STMN1: variants seen among roughly 807,000 people sequenced by gnomAD.
STMN1 encodes stathmin 1.
In STMN1, 3 loss-of-function variants were observed where a neutral mutation model predicts 19.7. The observed-to-expected ratio is 0.15, with a 90% CI of 0.07 to 0.39. STMN1 has a LOEUF of 0.39. Among genes scored for constraint, STMN1 ranks in the 10% least tolerant of loss-of-function variants. The pLI, the probability that STMN1 is intolerant of heterozygous loss-of-function variation, is 1.00. For missense variants in STMN1, 99 were observed against 176.0 expected (o/e 0.56, Z 2.48); for synonymous variants, 59 against 58.9 (o/e 1.00, Z -0.01).
intron 1 of STMN1, 26 bp from the exon 2 acceptor site, chr1:25,904,764 A>C (rs994107484): frequency 1.1e-5 from 17 of 1,582,138 alleles, no homozygotes; most frequent in Admixed American, 1.8e-5. Flanking sequence ...AAAAACATGC[A>C]ATCACTTTCT....
In STMN1 at chr1:25,900,659, A is replaced by G; in HGVS notation, c.*357T>C. On this transcript the variant is annotated 3_prime_UTR_variant, in exon 5 of 5. Transcript: ENST00000455785. ...GGGATTGAAAAGTGAACAGATATTC[A>G]GCATCTAACAGTTCAAAAGAAGCCA... The G allele has an allele frequency of 9.9e-7, 1 of 1,013,202 alleles. No individual in the cohort carries two copies. The highest frequency in any genetic ancestry group is 1.2e-6 in the Non-Finnish European group (1 of 848,266). 62.8% of individuals were successfully genotyped at this position (1,013,202 alleles called of 1,614,324 possible).
chr1:25,888,999 A>G, intron 4 of STMN1: 1 of 491,474 alleles, frequency 2.0e-6, no homozygotes, highest in Non-Finnish European at 4.1e-6. Context: ...CCTGGTCAAG[A>G]AACAAAAGCA....
Position 25,901,518 on chromosome 1 carries a change from A to G in STMN1, c.351T>C (p.Ala117=). 6.2e-7 allele frequency: 1 copy of G among 1,609,360 alleles called. No homozygotes were observed. The highest frequency in any genetic ancestry group is 8.5e-7 in the Non-Finnish European group (1 of 1,178,726). ...TCTCTCGCAAACGTTCCAGTTTGGC[A>G]GCCATTTGTGCCTCTCGGTTCTCTT... ...ANKENREAQM[A]AKLERLREKD... is the part of the protein sequence containing the mutation. The change falls in exon 4 of 5, where the codon GCT becomes GCC. Residue 117 remains alanine, a synonymous_variant. Transcript: ENST00000455785.
downstream of STMN1, among the ~76,000 whole-genome samples, chr1:25,897,310 C>CAA (rs2048826730): frequency 1.2e-5 from 1 of 83,148 alleles, no homozygotes; most frequent in African/African-American, 4.4e-5. Flanking sequence ...AAGACTGTCT[C>CAA]GAAAAAAAAA....
intron 4 of STMN1, among the ~76,000 whole-genome samples, chr1:25,886,193 G>C (rs887410235): frequency 1.3e-5 from 2 of 152,192 alleles, no homozygotes; most frequent in Non-Finnish European, 2.9e-5. Flanking sequence ...AAGGAGGTCA[G>C]GGTACTGGGC....
At chr1:25,893,392 G>T (rs374641310) in intron 4 of STMN1, among the ~76,000 whole-genome samples, 3 of 152,106 alleles carry the variant, frequency 2.0e-5, no homozygotes, top group African/African-American at 4.8e-5. Flanking sequence ...AGAGCACAAG[G>T]TTCCTGTACC....
At position 25,900,761 on chromosome 1, in the gene STMN1, T is replaced by C. The variant is rs1329242848; in HGVS notation, c.*255A>G. 7.7e-7 allele frequency: 1 copy of C among 1,302,970 alleles called. No homozygotes were observed. The highest frequency in any genetic ancestry group is 9.7e-7 in the Non-Finnish European group (1 of 1,026,086). 80.7% of individuals were successfully genotyped at this position (1,302,970 alleles called of 1,614,324 possible). A position where few individuals can be genotyped will look rare whatever the true frequency, so the allele number is the denominator to read the frequency against. ...CATTAACCCAGTACACCAAGTGTAC[T>C]GAAGTAGAAAAGATGCAACAAGAAA... On this transcript the variant is annotated 3_prime_UTR_variant, in exon 5 of 5. Transcript: ENST00000455785.
chr1:25,888,854 G>C, intron 4 of STMN1: 1 of 253,932 alleles, frequency 3.9e-6, no homozygotes, highest in South Asian at 4.6e-5. Flanking sequence ...AGGAGGATGG[G>C]AAAAGGGCAA....
In STMN1 at chr1:25,903,827, T is replaced by C. The variant is rs1048156861; in HGVS notation, c.14-14A>G. 2.5e-6 allele frequency: 4 copies of C among 1,580,046 alleles called. No individual in the cohort carries two copies. The highest frequency in any genetic ancestry group is 3.4e-6 in the Non-Finnish European group (4 of 1,168,638). On this transcript the variant is annotated splice_polypyrimidine_tract_variant and intron_variant, in intron 2 of 4. Transcript: ENST00000455785. ...TCACCTGGATATCTAGAATTGATTA[T>C]ATTTATAATTCAGAAAACCAGGATT...
rs1394376804 is a variant in STMN1, at chr1:25,900,583, T to C, written c.*433A>G. ...CACTGCCACCAACAGCACTGTGCAGTTTTATTAACCATTCAAGTCCAGTAG... is the reference window on the plus strand; with the variant it reads ...CACTGCCACCAACAGCACTGTGCAGCTTTATTAACCATTCAAGTCCAGTAG... On this transcript the variant is annotated 3_prime_UTR_variant, in exon 5 of 5. Transcript: ENST00000455785. 1.0e-6 allele frequency: 1 copy of C among 988,192 alleles called. No individual in the cohort carries two copies. The highest frequency in any genetic ancestry group is 1.7e-5 in the African/African-American group (1 of 57,282). The allele number at this position is 988,192 out of a possible 1,614,324, so 61.2% of individuals were successfully genotyped here. A position where few individuals can be genotyped will look rare whatever the true frequency, so the allele number is the denominator to read the frequency against.
intron 3 of STMN1, chr1:25,902,273 T>C (rs1482257356): frequency 6.6e-6 from 1 of 152,196 alleles, no homozygotes; most frequent in East Asian, 1.9e-4. Flanking sequence ...TCTGGATGAC[T>C]TGAGGAATAT....
chr1:25,889,024 T>G, intron 4 of STMN1: 1 of 490,148 alleles, frequency 2.0e-6, no homozygotes, highest in Admixed American at 2.4e-5. Context: ...CGTTCCATTC[T>G]CCAGTGGATT....
intron 4 of STMN1, among the ~76,000 whole-genome samples, chr1:25,889,436 C>T (rs973714699): frequency 6.6e-6 from 1 of 151,580 alleles, no homozygotes; most frequent in African/African-American, 2.4e-5. Flanking sequence ...CCATCCATCC[C>T]CCCACACCTA....
intron 4 of STMN1, among the ~76,000 whole-genome samples, chr1:25,886,941 G>C (rs1270610526): frequency 6.6e-6 from 1 of 151,914 alleles, no homozygotes; most frequent in Admixed American, 6.6e-5. Context: ...CTCAGCTCAG[G>C]TGTCAACTCC....
downstream of STMN1, among the ~76,000 whole-genome samples, chr1:25,899,834 T>C (rs995890532): frequency 1.3e-5 from 2 of 152,124 alleles, no homozygotes; most frequent in African/African-American, 2.4e-5. Context: ...TAGCAACACA[T>C]GGACCCCACC....
At chr1:25,898,339 C>G (rs972748116), downstream of STMN1, among the ~76,000 whole-genome samples, 1 of 152,186 alleles carries the variant, frequency 6.6e-6, no homozygotes, top group African/African-American at 2.4e-5. Flanking sequence ...CCTCTCAAAG[C>G]TTCCCAGACC....
At chr1:25,902,021 T>A (rs2048881029) in intron 3 of STMN1, 1 of 164,666 alleles carries the variant, frequency 6.1e-6, no homozygotes, top group Non-Finnish European at 1.3e-5. Flanking sequence ...ATAAAATGTA[T>A]TCAGCATAAG....
At chr1:25,899,459 A>G (rs1316125643), downstream of STMN1, among the ~76,000 whole-genome samples, 2 of 152,250 alleles carry the variant, frequency 1.3e-5, no homozygotes, top group East Asian at 3.8e-4. Context: ...GTTGTATTCA[A>G]CTATACTTGC....
At position 25,904,765 on chromosome 1, in the gene STMN1, A is replaced by G. The variant is rs1198281245; in HGVS notation, c.-62-27T>C. On this transcript the variant is annotated intron_variant, in intron 1 of 4. Coordinates refer to ENST00000455785, the MANE Select transcript of STMN1 (RefSeq NM_005563.4). ...TGAAAATGATTTTCAAAAACATGCA[A>G]TCACTTTCTTTGCCTTTCTATATGT... The G allele has an allele frequency of 3.2e-6, 5 of 1,581,074 alleles. No homozygotes were observed. The Admixed American group carries it at 9.3e-5, about 29-fold the overall frequency.
Sources: gnomAD v4.1 joint callset for allele counts (sites outside exome capture counted in the v4.1 genomes callset) on GRCh38, gnomAD v4.1.1 for gene constraint, MANE v1.5 for transcripts, NCBI Gene and HGNC (gene_info 2026-07-23, HGNC 2026-07-21) for gene names.